Variants in CAMK1D observed in about 807,000 individuals in gnomAD.
CAMK1D encodes the protein calcium/calmodulin dependent protein kinase ID.
CAMK1D carries 9 observed loss-of-function variants against 47.7 expected under a neutral mutation model. The ratio of observed to expected loss-of-function variants is 0.19; its 90% CI spans 0.11 to 0.33. The LOEUF is 0.33. Among genes scored for constraint, CAMK1D ranks in the 10% least tolerant of loss-of-function variants. CAMK1D has a pLI of 1.00. For synonymous variants in CAMK1D, 184 were observed against 184.9 expected (o/e 0.99, Z 0.04); for missense variants, 291 against 488.7 (o/e 0.60, Z 3.81).
chr10:12,711,290 A>T (rs1030038469), intron 3 of CAMK1D, among the ~76,000 whole-genome samples: 2 of 152,180 alleles, frequency 1.3e-5, no homozygotes, highest in Non-Finnish European at 2.9e-5. Context: ...CGCCACCTGC[A>T]GGCTAAGGGG....
At chr10:12,703,608 C>T (rs893194550) in intron 3 of CAMK1D, among the ~76,000 whole-genome samples, 18 of 152,228 alleles carry the variant, frequency 1.2e-4, no homozygotes, top group African/African-American at 4.1e-4. Context: ...GTGGCTCATG[C>T]CTGTAAACCC....
chr10:12,737,034 G>C (rs1298826670), intron 3 of CAMK1D, among the ~76,000 whole-genome samples: 1 of 152,148 alleles, frequency 6.6e-6, no homozygotes, highest in African/African-American at 2.4e-5. Flanking sequence ...CAATCTCAAT[G>C]CATGCAGCTG....
rs1056775787 is a variant in CAMK1D, at chr10:12,833,590, C to T, written c.*4703C>T. ...CTAGGGCTGAAGGTGGAAGTAGGGCCACTGCCGCAGCTTCAGCCAGAGCCC... is the reference window on the plus strand; with the variant it reads ...CTAGGGCTGAAGGTGGAAGTAGGGCTACTGCCGCAGCTTCAGCCAGAGCCC... On this transcript the variant is annotated 3_prime_UTR_variant, in exon 11 of 11. Transcript: ENST00000619168. 1.3e-5 allele frequency: 2 copies of T among 152,234 alleles called. No homozygotes were observed. Among genetic ancestry groups the T allele is most frequent in the Non-Finnish European group, 2.9e-5 (2 of 68,042 alleles). The allele number at this position is 152,234 out of a possible 1,614,324, so 9.4% of individuals were successfully genotyped here.
intron 2 of CAMK1D, among the ~76,000 whole-genome samples, chr10:12,624,423 T>G (rs1410176552): frequency 6.6e-6 from 1 of 152,176 alleles, no homozygotes; most frequent in Non-Finnish European, 1.5e-5. Context: ...GTCAAGTCCC[T>G]GAAAACCACC....
intron 2 of CAMK1D, among the ~76,000 whole-genome samples, chr10:12,565,188 G>T (rs1204072121): frequency 6.6e-6 from 1 of 152,050 alleles, no homozygotes; most frequent in Non-Finnish European, 1.5e-5. Context: ...TTCAGCCTGG[G>T]TGACAGAGCA....
intron 1 of CAMK1D, among the ~76,000 whole-genome samples, chr10:12,420,121 A>G (rs745744165): frequency 1.3e-5 from 2 of 152,022 alleles, no homozygotes; most frequent in Non-Finnish European, 2.9e-5. Context: ...CACCACGCCC[A>G]GCTAATTTTT....
chr10:12,463,130 GTTT>G (rs34084682), intron 1 of CAMK1D, among the ~76,000 whole-genome samples: 1 of 141,176 alleles, frequency 7.1e-6, no homozygotes. Flanking sequence ...AGCTCTAAGA[GTTT>G]TTTTTTTTTT....
At chr10:12,749,563 T>TG (rs1835846775) in intron 3 of CAMK1D, among the ~76,000 whole-genome samples, 2 of 119,384 alleles carry the variant, frequency 1.7e-5, no homozygotes, top group African/African-American at 1.1e-4. Context: ...TGTTTGTTTG[T>TG]TTGTTTGTTT....
At chr10:12,688,285 A>G (rs542690840) in intron 3 of CAMK1D, among the ~76,000 whole-genome samples, 4 of 152,328 alleles carry the variant, frequency 2.6e-5, no homozygotes, top group African/African-American at 7.2e-5. Context: ...TGGGTTGGCA[A>G]AACTCTGCTT....
rs562913890 is a variant in CAMK1D at position 12,424,434 on chromosome 10, A to G, written c.92+74524A>G. On this transcript the variant is annotated intron_variant, in intron 1 of 10. Coordinates refer to ENST00000619168, the MANE Select transcript of CAMK1D (RefSeq NM_153498.4). Reference sequence around the variant, plus strand: ...GATTGGTGCAGTTTCTCAGATTTCAATTTAAATCTCTTGACCCTACCTATT... The same window carrying G: ...GATTGGTGCAGTTTCTCAGATTTCAGTTTAAATCTCTTGACCCTACCTATT... 8.6e-5 allele frequency among the ~76,000 whole-genome samples: 13 copies of G among 151,976 alleles called. No individual in the cohort carries two copies. The South Asian group carries it at 2.1e-3, about 24-fold the overall frequency.
At chr10:12,683,643 T>G (rs747643892) in intron 3 of CAMK1D, among the ~76,000 whole-genome samples, 2 of 152,074 alleles carry the variant, frequency 1.3e-5, no homozygotes, top group Non-Finnish European at 2.9e-5. Context: ...ACAGGATCAT[T>G]GTTTTAGTAA....
chr10:12,758,552 T>A (rs1377757239), intron 3 of CAMK1D, among the ~76,000 whole-genome samples: 5 of 152,218 alleles, frequency 3.3e-5, no homozygotes, highest in Non-Finnish European at 7.3e-5. Context: ...TCTGCAACAG[T>A]ACATGCTATC....
intron 6 of CAMK1D, among the ~76,000 whole-genome samples, chr10:12,805,228 C>T (rs1185324516): frequency 2.0e-5 from 3 of 151,518 alleles, no homozygotes; most frequent in African/African-American, 7.3e-5. Flanking sequence ...CACTGCACAC[C>T]AGCCTGGCAA....
chr10:12,749,430 G>T (rs1835825567), intron 3 of CAMK1D, among the ~76,000 whole-genome samples: 1 of 133,602 alleles, frequency 7.5e-6, no homozygotes, highest in African/African-American at 2.9e-5. Context: ...TGAATGTGTA[G>T]GTGCTAGAAA....
intron 2 of CAMK1D, among the ~76,000 whole-genome samples, chr10:12,617,485 T>C (rs924189488): frequency 6.6e-6 from 1 of 152,128 alleles, no homozygotes; most frequent in Non-Finnish European, 1.5e-5. Context: ...ACTTGTGTGG[T>C]AGGCAGATAT....
chr10:12,771,330 C>T (rs986918123), intron 5 of CAMK1D, among the ~76,000 whole-genome samples: 3 of 152,326 alleles, frequency 2.0e-5, no homozygotes, highest in Admixed American at 6.5e-5. Context: ...CCAGCATCAC[C>T]CTGTGGGTCT....
chr10:12,685,193 C>T (rs1832607736), intron 3 of CAMK1D, among the ~76,000 whole-genome samples: 2 of 152,142 alleles, frequency 1.3e-5, no homozygotes, highest in African/African-American at 4.8e-5. Flanking sequence ...CCCAGCTACT[C>T]GGGAGGCTGA....
At chr10:12,480,400 A>G in intron 1 of CAMK1D, among the ~76,000 whole-genome samples, 1 of 151,930 alleles carries the variant, frequency 6.6e-6, no homozygotes, top group Admixed American at 6.6e-5. Flanking sequence ...GCGCCACTGC[A>G]CTCCAGCTTG....
At chr10:12,360,807 C>T (rs1837636242) in intron 1 of CAMK1D, among the ~76,000 whole-genome samples, 1 of 152,118 alleles carries the variant, frequency 6.6e-6, no homozygotes, top group Non-Finnish European at 1.5e-5. Context: ...AAATTGGGCC[C>T]TAAACTGTCC....
Sources: allele counts gnomAD v4.1 joint callset (sites outside exome capture counted in the v4.1 genomes callset), GRCh38; gene constraint gnomAD v4.1.1; transcripts MANE v1.5; gene names NCBI Gene and HGNC (gene_info 2026-07-23, HGNC 2026-07-21).